NIPBL: variants seen among roughly 807,000 people sequenced by gnomAD.
NIPBL encodes nipped-B-like protein.
In NIPBL, 19 loss-of-function variants were observed where a neutral mutation model predicts 321.8. That is an observed-to-expected ratio of 0.06 (90% CI 0.04 to 0.09). The LOEUF (loss-of-function observed/expected upper bound fraction) is 0.09. NIPBL is among the 10% of genes least tolerant of loss of function. NIPBL has a pLI of 1.00. For missense variants in NIPBL, 2,210 were observed against 3,327.0 expected (o/e 0.66, Z 8.26); for synonymous variants, 1,106 against 1,114.1 (o/e 0.99, Z 0.14).
At position 37,065,756 on chromosome 5, in the gene NIPBL, A is replaced by G. The variant is rs1755302261; in HGVS notation, c.*864A>G. ...CAATATTTAGTATTAACTATATATG[A>G]TTTAGCACTGTGCCAAACACATTTT... On this transcript the variant is annotated 3_prime_UTR_variant, in exon 47 of 47. Transcript: ENST00000282516. The G allele has an allele frequency of 6.6e-6, 1 of 152,620 alleles. No individual in the cohort carries two copies. The highest frequency in any genetic ancestry group is 2.4e-5 in the African/African-American group (1 of 41,452). The allele number at this position is 152,620 out of a possible 1,614,324, so 9.5% of individuals were successfully genotyped here. A position where few individuals can be genotyped will look rare whatever the true frequency, so the allele number is the denominator to read the frequency against.
chr5:37,033,479 A>G (rs1751296337), intron 32 of NIPBL, among the ~76,000 whole-genome samples: 1 of 151,616 alleles, frequency 6.6e-6, no homozygotes, highest in South Asian at 2.1e-4. Flanking sequence ...TTGCTATAAA[A>G]CAGAAGTGGC....
intron 1 of NIPBL, among the ~76,000 whole-genome samples, chr5:36,924,606 A>G (rs1440984101): frequency 1.3e-5 from 2 of 152,218 alleles, no homozygotes; most frequent in East Asian, 1.9e-4. Context: ...GGTACTCACT[A>G]AATTTTTAAT....
At chr5:36,908,081 A>G (rs1378430756) in intron 1 of NIPBL, among the ~76,000 whole-genome samples, 1 of 152,220 alleles carries the variant, frequency 6.6e-6, no homozygotes, top group Admixed American at 6.5e-5. Context: ...TCCTTTTGAA[A>G]GGTAATGTGA....
At chr5:37,023,376 A>G (rs954962597) in intron 29 of NIPBL, among the ~76,000 whole-genome samples, 13 of 152,216 alleles carry the variant, frequency 8.5e-5, no homozygotes, top group Admixed American at 2.0e-4. Flanking sequence ...TGCACACTTC[A>G]TGTATGATGC....
chr5:37,021,091 G>C (rs1749576373), intron 27 of NIPBL, among the ~76,000 whole-genome samples: 1 of 152,252 alleles, frequency 6.6e-6, no homozygotes, highest in Non-Finnish European at 1.5e-5. Context: ...CTGAGGTCAA[G>C]AGTTCGAGAC....
intron 21 of NIPBL, among the ~76,000 whole-genome samples, chr5:37,013,652 T>C (rs946646110): frequency 1.3e-5 from 2 of 150,494 alleles, no homozygotes; most frequent in Non-Finnish European, 3.0e-5. Flanking sequence ...GATGTGATGG[T>C]GGCCGGGAAG....
At chr5:36,902,177 G>A (rs559515526) in intron 1 of NIPBL, among the ~76,000 whole-genome samples, 16 of 151,760 alleles carry the variant, frequency 1.1e-4, no homozygotes, top group African/African-American at 2.4e-4. Context: ...TGGATGTATC[G>A]TTTGCAAACA....
intron 1 of NIPBL, among the ~76,000 whole-genome samples, chr5:36,894,770 A>T (rs1365627829): frequency 2.6e-5 from 4 of 152,116 alleles, no homozygotes; most frequent in Non-Finnish European, 4.4e-5. Context: ...TATGTGTAGG[A>T]GTTATAGAAA....
At chr5:36,885,996 A>G (rs1745875270) in intron 1 of NIPBL, 2 of 725,196 alleles carry the variant, frequency 2.8e-6, no homozygotes, top group African/African-American at 1.7e-5. Context: ...AAGAACCAAG[A>G]GGAGCTAGAC....
chr5:36,989,391 G>T (rs1745213370), intron 10 of NIPBL, among the ~76,000 whole-genome samples: 1 of 152,032 alleles, frequency 6.6e-6, no homozygotes, highest in Admixed American at 6.6e-5. Context: ...GGTGGAGGGG[G>T]CAGTCAGGCA....
intron 34 of NIPBL, among the ~76,000 whole-genome samples, chr5:37,042,899 G>A (rs1246978696): frequency 1.2e-4 from 17 of 144,846 alleles, no homozygotes; most frequent in East Asian, 6.0e-4. Flanking sequence ...ACACACGCGC[G>A]CACACACACA....
At position 37,020,843 on chromosome 5, in the gene NIPBL, C is replaced by T; in HGVS notation, c.5294C>T (p.Pro1765Leu). Reference protein sequence around the residue: ...LIVRYLASMRPFAQSFDIYLT... With the variant: ...LIVRYLASMRLFAQSFDIYLT... Reference sequence around the variant, plus strand: ...GTTCGATACTTGGCCTCCATGAGGCCGTTTGCCCAGAGCTTTGATATTTAT... The same window carrying T: ...GTTCGATACTTGGCCTCCATGAGGCTGTTTGCCCAGAGCTTTGATATTTAT... The change falls in exon 27 of 47, where the codon CCG becomes CTG. Residue 1765 changes from proline (P) to leucine (L), a missense_variant. This residue lies in a region of NIPBL where 138 missense variants were observed against 175.8 expected (regional missense o/e 0.79). Transcript: ENST00000282516. 1 of 1,613,724 alleles carries T rather than the reference C, an allele frequency of 6.2e-7. No homozygotes were observed. Among genetic ancestry groups the T allele is most frequent in the Non-Finnish European group, 8.5e-7 (1 of 1,179,692 alleles).
chr5:36,926,928 A>G (rs2149566492), intron 1 of NIPBL, among the ~76,000 whole-genome samples: 1 of 152,296 alleles, frequency 6.6e-6, no homozygotes, highest in Admixed American at 6.5e-5. Context: ...AACAAATTTA[A>G]ACAGTTATTA....
intron 34 of NIPBL, among the ~76,000 whole-genome samples, chr5:37,043,451 C>T (rs1459321460): frequency 1.3e-5 from 2 of 151,708 alleles, no homozygotes; most frequent in Non-Finnish European, 2.9e-5. Context: ...TGCTTGAACC[C>T]GGGAGGCAGA....
intron 1 of NIPBL, among the ~76,000 whole-genome samples, chr5:36,929,751 G>T (rs923034655): frequency 1.3e-5 from 2 of 151,980 alleles, no homozygotes; most frequent in East Asian, 3.9e-4. Flanking sequence ...ATTAATTTTT[G>T]TGTATGGTAT....
At chr5:36,889,046 A>G (rs543532671) in intron 1 of NIPBL, among the ~76,000 whole-genome samples, 1 of 152,138 alleles carries the variant, frequency 6.6e-6, no homozygotes, top group Non-Finnish European at 1.5e-5. Flanking sequence ...CATAGTAAGC[A>G]CTCAACAAAC....
At chr5:37,020,938 G>A (rs1749555341) in intron 27 of NIPBL, 61 bp downstream of exon 27, 1 of 1,091,310 alleles carries the variant, frequency 9.2e-7, no homozygotes. Flanking sequence ...GGATGCTTGT[G>A]AGCAGTATAT....
At chr5:36,945,972 C>A (rs1457266608) in intron 1 of NIPBL, among the ~76,000 whole-genome samples, 7 of 151,944 alleles carry the variant, frequency 4.6e-5, no homozygotes, top group Non-Finnish European at 1.0e-4. Flanking sequence ...ATTTACTTAA[C>A]CTGTGTAGCT....
At chr5:36,951,301 A>T (rs1050781975) in intron 1 of NIPBL, among the ~76,000 whole-genome samples, 1 of 152,190 alleles carries the variant, frequency 6.6e-6, no homozygotes, top group African/African-American at 2.4e-5. Flanking sequence ...GGACTTAAGA[A>T]AACAGTCAGG....
Sources: gnomAD v4.1 joint callset for allele counts (sites outside exome capture counted in the v4.1 genomes callset) on GRCh38, gnomAD v4.1.1 for gene constraint, gnomAD v4.1.1 regional missense constraint, MANE v1.5 for transcripts, NCBI Gene and HGNC (gene_info 2026-07-23, HGNC 2026-07-21) for gene names.